RBFOX1: variants seen among roughly 807,000 people sequenced by gnomAD.
RBFOX1 encodes RNA binding fox-1 homolog 1.
Under a neutral mutation model 57.7 loss-of-function variants are expected in RBFOX1, and 8 were observed. The observed-to-expected ratio is 0.14, with a 90% CI of 0.08 to 0.25. The LOEUF (loss-of-function observed/expected upper bound fraction) is 0.25. Ranked by LOEUF, RBFOX1 falls within the 10% of genes least tolerant of loss-of-function variation. RBFOX1 has a pLI of 1.00. For missense variants in RBFOX1, 611 were observed against 548.5 expected, an observed-to-expected ratio of 1.11 and a Z score of -1.14; for synonymous variants, 326 against 222.4, an observed-to-expected ratio of 1.47 and a Z score of -4.15.
chr16:7,076,160 G>T (rs758014304), intron 4 of RBFOX1, among the ~76,000 whole-genome samples: 1 of 151,200 alleles, frequency 6.6e-6, no homozygotes, highest in Non-Finnish European at 1.5e-5. Context: ...CCCTGCCTCA[G>T]CCTCTCGAGT....
At chr16:5,397,852 T>C (rs907546703) in intron 1 of RBFOX1, among the ~76,000 whole-genome samples, 2 of 152,246 alleles carry the variant, frequency 1.3e-5, no homozygotes, top group African/African-American at 4.8e-5. Flanking sequence ...AGCCACTTAC[T>C]TGTTAGGAAT....
At chr16:6,747,320 T>C (rs1476756556) in intron 3 of RBFOX1, among the ~76,000 whole-genome samples, 1 of 151,966 alleles carries the variant, frequency 6.6e-6, no homozygotes, top group Non-Finnish European at 1.5e-5. Context: ...GGCAGGACAA[T>C]TGCTTGAACC....
At chr16:7,540,653 G>A (rs1381973097) in intron 5 of RBFOX1, among the ~76,000 whole-genome samples, 2 of 152,152 alleles carry the variant, frequency 1.3e-5, no homozygotes, top group Non-Finnish European at 2.9e-5. Flanking sequence ...GCTCATGATA[G>A]TCATGACCTC....
At chr16:5,793,194 A>G (rs1016876215) in intron 3 of RBFOX1, among the ~76,000 whole-genome samples, 1 of 152,170 alleles carries the variant, frequency 6.6e-6, no homozygotes, top group Non-Finnish European at 1.5e-5. Context: ...GCCTCTGAGA[A>G]GTGCTTAGAG....
At chr16:6,013,064 CATT>C (rs2094971235) in intron 4 of RBFOX1, among the ~76,000 whole-genome samples, 1 of 152,064 alleles carries the variant, frequency 6.6e-6, no homozygotes, top group Non-Finnish European at 1.5e-5. Context: ...TCATCATCAT[CATT>C]GTTGTCATTG....
rs558844657 is a variant in RBFOX1, at chr16:7,029,142, GTATATATGTATATA to G, written c.-15-22910_-15-22897del. On this transcript the variant is annotated intron_variant, in intron 3 of 15. Transcript: ENST00000550418. ...CACACATATACGTATATATATATGTGTATATATGTATATATATACACATATATATACGTATACGT... is the reference window on the plus strand; with the variant it reads ...CACACATATACGTATATATATATGTGTATACACATATATATACGTATACGT... Among the ~76,000 whole-genome samples, 295 of 68,506 alleles carry G rather than the reference GTATATATGTATATA, an allele frequency of 4.3e-3. 39 individuals are homozygous for G. Among genetic ancestry groups the G allele is most frequent in the African/African-American group, 0.017 (282 of 16,418 alleles). The allele number at this position is 68,506 out of a possible 152,430, so 44.9% of individuals were successfully genotyped here.
At chr16:6,882,632 C>T (rs926814018) in intron 3 of RBFOX1, among the ~76,000 whole-genome samples, 3 of 152,084 alleles carry the variant, frequency 2.0e-5, no homozygotes, top group East Asian at 1.9e-4. Context: ...ATCATGTTTG[C>T]AGAGTCCTCA....
intron 4 of RBFOX1, among the ~76,000 whole-genome samples, chr16:7,316,987 A>ACACACACACACACAAAC (rs1568178930): frequency 4.4e-5 from 2 of 45,858 alleles, no homozygotes; most frequent in African/African-American, 1.4e-4. Context: ...CACACACACA[A>ACACACACACACACAAAC]ACACACACAC....
chr16:7,199,800 C>A (rs887814438), intron 4 of RBFOX1, among the ~76,000 whole-genome samples: 1 of 152,066 alleles, frequency 6.6e-6, no homozygotes, highest in African/African-American at 2.4e-5. Flanking sequence ...GAGGCTGAGA[C>A]CCAAGAATTG....
chr16:7,389,741 A>G (rs1000582562), intron 4 of RBFOX1, among the ~76,000 whole-genome samples: 9 of 152,184 alleles, frequency 5.9e-5, no homozygotes, highest in African/African-American at 1.9e-4. Context: ...TAATTCAGCA[A>G]CAACACCAAT....
intron 2 of RBFOX1, among the ~76,000 whole-genome samples, chr16:6,504,805 C>G (rs1193258242): frequency 6.6e-6 from 1 of 152,060 alleles, no homozygotes; most frequent in East Asian, 1.9e-4. Flanking sequence ...CCTGTAATCC[C>G]AGCACTTTGG....
At chr16:6,504,963 C>A (rs1225209957) in intron 2 of RBFOX1, among the ~76,000 whole-genome samples, 1 of 151,916 alleles carries the variant, frequency 6.6e-6, no homozygotes, top group Admixed American at 6.6e-5. Context: ...ATCCCAGCTA[C>A]TTGGGAGGCT....
chr16:6,827,898 A>G lies in RBFOX1; in HGVS notation c.-16+173248A>G, dbSNP rs116584212. ...TATTCTCCTGGGAGGCAGTAATTCC[A>G]GTAGTAATTTGCATACATTTGTAAG... On this transcript the variant is annotated intron_variant, in intron 3 of 15. Transcript: ENST00000550418. Among the ~76,000 whole-genome samples, 1,086 of 152,332 alleles carry G rather than the reference A, an allele frequency of 7.1e-3. 23 individuals are homozygous for G. Among genetic ancestry groups the G allele is most frequent in the African/African-American group, 0.025 (1,048 of 41,580 alleles).
chr16:6,283,722 C>T (rs908879507), intron 1 of RBFOX1, among the ~76,000 whole-genome samples: 8 of 152,198 alleles, frequency 5.3e-5, no homozygotes, highest in Non-Finnish European at 1.5e-5. Flanking sequence ...GGAATATGCA[C>T]ATACCCGCAG....
intron 2 of RBFOX1, among the ~76,000 whole-genome samples, chr16:6,484,364 A>C (rs891855624): frequency 6.6e-6 from 1 of 152,052 alleles, no homozygotes; most frequent in African/African-American, 2.4e-5. Context: ...GCGCTGGTGT[A>C]CTCTTCATCT....
intron 3 of RBFOX1, among the ~76,000 whole-genome samples, chr16:7,005,086 G>T (rs1037551223): frequency 6.6e-6 from 1 of 152,184 alleles, no homozygotes; most frequent in Non-Finnish European, 1.5e-5. Context: ...AGAAGTTGCA[G>T]TCAGCTGAGA....
intron 3 of RBFOX1, among the ~76,000 whole-genome samples, chr16:5,720,429 G>T (rs2342725): frequency 0.065 from 9,845 of 152,184 alleles, 1,074 homozygotes; most frequent in African/African-American, 0.22. Context: ...TCAGCATAAA[G>T]TTTTAAATTT....
chr16:5,421,396 A>T (rs1366814848), intron 1 of RBFOX1, among the ~76,000 whole-genome samples: 4 of 152,106 alleles, frequency 2.6e-5, no homozygotes, highest in Admixed American at 1.3e-4. Flanking sequence ...TCTAAACCTA[A>T]TCCACTCACC....
intron 14 of RBFOX1, among the ~76,000 whole-genome samples, chr16:7,692,699 G>A (rs1036051545): frequency 1.3e-5 from 2 of 152,094 alleles, no homozygotes; most frequent in Admixed American, 6.5e-5. Context: ...ATCTTTCTGG[G>A]TTTACTAAAA....
Sources: allele counts gnomAD v4.1 joint callset (sites outside exome capture counted in the v4.1 genomes callset), GRCh38; gene constraint gnomAD v4.1.1; transcripts MANE v1.5; gene names NCBI Gene and HGNC (gene_info 2026-07-23, HGNC 2026-07-21).